The following IRF2BP2 variants were observed in gnomAD, a reference collection of about 807,000 sequenced individuals.
IRF2BP2 encodes interferon regulatory factor 2 binding protein 2, also known as interferon regulatory factor 2-binding protein 2.
A neutral mutation model predicts 32.7 loss-of-function variants in IRF2BP2; 13 were observed. That is an observed-to-expected ratio of 0.40 (90% CI 0.26 to 0.63). The LOEUF is 0.63. IRF2BP2 is among the 30% of genes least tolerant of loss of function. IRF2BP2 has a pLI of 0.42. For synonymous variants in IRF2BP2, 555 were observed against 384.6 expected (o/e 1.44, Z -5.18); for missense variants, 980 against 830.6 (o/e 1.18, Z -2.21).
Position 234,609,919 on chromosome 1 carries a change from G to T in IRF2BP2, c.-425C>A, listed in dbSNP as rs1558310452. On this transcript the variant is annotated 5_prime_UTR_variant, in exon 1 of 2. Coordinates refer to ENST00000366609, the MANE Select transcript of IRF2BP2 (RefSeq NM_182972.3). ...GCCGGCACGGAGTGCGGGGCGGGGG[G>T]CGGGGAGGCCGGGGGGGCAGGGGGC... 7.1e-6 allele frequency among the ~76,000 whole-genome samples: 1 copy of T among 141,310 alleles called. No individual in the cohort carries two copies. The highest frequency in any genetic ancestry group is 2.5e-5 in the African/African-American group (1 of 39,518). The allele number at this position is 141,310 out of a possible 152,430, so 92.7% of individuals were successfully genotyped here.
rs1453432185 is a variant in IRF2BP2 at position 234,609,997 on chromosome 1, G to C, written c.-503C>G. ...CCCGAGCGGCGGGGCATGCCGCGCC[G>C]GGGTGGCGGCGGCCGGGCGGCGTGG... On this transcript the variant is annotated 5_prime_UTR_variant, in exon 1 of 2. Coordinates refer to ENST00000366609, the MANE Select transcript of IRF2BP2 (RefSeq NM_182972.3). Among the ~76,000 whole-genome samples the C allele has an allele frequency of 1.4e-5, 2 of 144,758 alleles. No individual in the cohort carries two copies. The highest frequency in any genetic ancestry group is 3.1e-5 in the Non-Finnish European group (2 of 65,222). The allele number at this position is 144,758 out of a possible 152,430, so 95.0% of individuals were successfully genotyped here.
chr1:234,608,839 G>A lies in IRF2BP2; in HGVS notation c.656C>T (p.Thr219Ile), dbSNP rs1672253184. 1.9e-5 allele frequency: 25 copies of A among 1,342,018 alleles called. No homozygotes were observed. Among genetic ancestry groups the A allele is most frequent in the South Asian group, 1.0e-4 (5 of 49,996 alleles). The allele number at this position is 1,342,018 out of a possible 1,614,324, so 83.1% of individuals were successfully genotyped here. Residue 219 changes from threonine (T) to isoleucine (I), a missense_variant, in exon 1 of 2, where the codon ACC becomes ATC. Coordinates refer to ENST00000366609, the MANE Select transcript of IRF2BP2 (RefSeq NM_182972.3). ...AAASLAAVSG[T>I]AAASLGSAQP... ...CGCGGAGCCCAGGCTGGCGGCCGCG[G>A]TTCCGGACACCGCGGCTAAGGAGGC...
chr1:234,608,684 C>T lies in IRF2BP2; in HGVS notation c.811G>A (p.Asp271Asn). The change falls in exon 1 of 2, where the codon GAC becomes AAC. Residue 271 changes from aspartate to asparagine, a missense_variant. Physicochemically the swap from Asp to Asn is conservative, Grantham distance 23. Coordinates refer to ENST00000366609, the MANE Select transcript of IRF2BP2 (RefSeq NM_182972.3). ...GCCCCGGCCGCGGTGGACAGGCTGT[C>T]GGCCGGGCCCCGGTGCGCAGGCGGC... ...PPPPAHRGPA[D>N]SLSTAAGAAE... 1 of 1,509,998 alleles carries T rather than the reference C, an allele frequency of 6.6e-7. No homozygotes were observed. The highest frequency in any genetic ancestry group is 2.7e-5 in the East Asian group (1 of 37,566). 93.5% of individuals were successfully genotyped at this position (1,509,998 alleles called of 1,614,324 possible).
At position 234,606,187 on chromosome 1, in the gene IRF2BP2, C is replaced by T. The variant is rs1672155077; in HGVS notation, c.*950G>A. 1.3e-5 allele frequency: 2 copies of T among 152,346 alleles called. No individual in the cohort carries two copies. Among genetic ancestry groups the T allele is most frequent in the Non-Finnish European group, 2.9e-5 (2 of 68,152 alleles). 9.4% of individuals were successfully genotyped at this position (152,346 alleles called of 1,614,324 possible). A position where few individuals can be genotyped will look rare whatever the true frequency, so the allele number is the denominator to read the frequency against. ...ACAGAAACAAAACCAATCCCACAAT[C>T]TCCAAGTTCACCTGGACTGTAACTT... On this transcript the variant is annotated 3_prime_UTR_variant, in exon 2 of 2. Transcript: ENST00000366609.
intron 1 of IRF2BP2, 148 bp downstream of exon 1, chr1:234,608,299 A>G: frequency 1.5e-6 from 1 of 664,500 alleles, no homozygotes; most frequent in Non-Finnish European, 2.5e-6. Flanking sequence ...CGTTGCCACC[A>G]AGCACTGGTT....
rs1672154053 is a variant in IRF2BP2 at position 234,606,150 on chromosome 1, A to G, written c.*987T>C. 6.6e-6 allele frequency: 1 copy of G among 152,230 alleles called. No homozygotes were observed. The highest frequency in any genetic ancestry group is 1.5e-5 in the Non-Finnish European group (1 of 68,058). 9.4% of individuals were successfully genotyped at this position (152,230 alleles called of 1,614,324 possible). On this transcript the variant is annotated 3_prime_UTR_variant, in exon 2 of 2. Transcript: ENST00000366609. ...AGCAATAGCACTACAGGTAAATGAT[A>G]AACAAAACAAAACAGAAACAAAACC... is the stretch of plus-strand genomic sequence containing the variant.
chr1:234,608,203 G>A (rs992343279), intron 1 of IRF2BP2: 5 of 522,700 alleles, frequency 9.6e-6, no homozygotes, highest in African/African-American at 1.9e-5. Context: ...TCCCATCCAA[G>A]AATGTGCTGG....
At position 234,606,237 on chromosome 1, in the gene IRF2BP2, GGAC is replaced by G. The variant is rs1185194190; in HGVS notation, c.*897_*899del. ...TCTCTTGCAACTCTTTCAAAATAAA[GGAC>G]AACAGCAACAACAAACAGACCTCTA... On this transcript the variant is annotated 3_prime_UTR_variant, in exon 2 of 2. Coordinates refer to ENST00000366609, the MANE Select transcript of IRF2BP2 (RefSeq NM_182972.3). The G allele has an allele frequency of 4.6e-5, 7 of 152,228 alleles. No homozygotes were observed. Among genetic ancestry groups the G allele is most frequent in the African/African-American group, 1.2e-4 (5 of 41,448 alleles). 9.4% of individuals were successfully genotyped at this position (152,228 alleles called of 1,614,324 possible).
rs746838413 is a variant in IRF2BP2 at position 234,606,958 on chromosome 1, C to T, written c.*179G>A. On this transcript the variant is annotated 3_prime_UTR_variant, in exon 2 of 2. Coordinates refer to ENST00000366609, the MANE Select transcript of IRF2BP2 (RefSeq NM_182972.3). ...AAAAAATGTCTTTATAAGTACATAC[C>T]TTTTGTCGTCAAAAAAAATATAGAA... The T allele has an allele frequency of 5.5e-6, 3 of 541,970 alleles. No individual in the cohort carries two copies. The highest frequency in any genetic ancestry group is 9.6e-6 in the Non-Finnish European group (3 of 311,852). The allele number at this position is 541,970 out of a possible 1,614,324, so 33.6% of individuals were successfully genotyped here. A position where few individuals can be genotyped will look rare whatever the true frequency, so the allele number is the denominator to read the frequency against.
rs1308085972 is a variant in IRF2BP2, at chr1:234,605,384, G to A, written c.*1753C>T. The A allele has an allele frequency of 6.6e-6, 1 of 152,178 alleles. No homozygotes were observed. The highest frequency in any genetic ancestry group is 1.5e-5 in the Non-Finnish European group (1 of 68,026). 9.4% of individuals were successfully genotyped at this position (152,178 alleles called of 1,614,324 possible). ...GTCTGTTTGTAATATAACAATGACTGGTAAAACATGAATTCTCGCACAGTA... is the reference window on the plus strand; with the variant it reads ...GTCTGTTTGTAATATAACAATGACTAGTAAAACATGAATTCTCGCACAGTA... On this transcript the variant is annotated 3_prime_UTR_variant, in exon 2 of 2. Transcript: ENST00000366609.
At position 234,608,888 on chromosome 1, in the gene IRF2BP2, G is replaced by C. The variant is rs1453648013; in HGVS notation, c.607C>G (p.Leu203Val). Residue 203 changes from leucine (L) to valine (V), a missense_variant, in exon 1 of 2, where the codon CTC (leucine) becomes GTC (valine). Leu to Val is a conservative substitution (Grantham distance 32, BLOSUM62 1). Transcript: ENST00000366609. ...NGSATPLPTA[L>V]GLGGRAAASL... The stretch of plus-strand genomic sequence containing the variant: ...GCGGCAGCGCGGCCGCCGAGGCCGA[G>C]CGCGGTGGGCAGCGGCGTGGCCGAG... The C allele has an allele frequency of 4.5e-6, 6 of 1,328,302 alleles. No homozygotes were observed. In the South Asian group the frequency reaches 6.5e-5, roughly 14 times the overall value. 82.3% of individuals were successfully genotyped at this position (1,328,302 alleles called of 1,614,324 possible). A position where few individuals can be genotyped will look rare whatever the true frequency, so the allele number is the denominator to read the frequency against.
At position 234,608,769 on chromosome 1, in the gene IRF2BP2, C is replaced by A; in HGVS notation, c.726G>T (p.Ser242=). 2 of 1,466,224 alleles carry A rather than the reference C, an allele frequency of 1.4e-6. No homozygotes were observed. Among genetic ancestry groups the A allele is most frequent in the South Asian group, 1.3e-5 (1 of 75,706 alleles). 90.8% of individuals were successfully genotyped at this position (1,466,224 alleles called of 1,614,324 possible). A position where few individuals can be genotyped will look rare whatever the true frequency, so the allele number is the denominator to read the frequency against. The change falls in exon 1 of 2, where the codon TCG becomes TCT. Residue 242 remains serine, a synonymous_variant. Transcript: ENST00000366609. ...LGAHKRPASV[S]SSAAVEHEQR... Reference sequence around the variant, plus strand: ...GCTCGTGCTCCACGGCAGCGCTGCTCGACACGGATGCCGGCCGCTTGTGGG... The same window carrying A: ...GCTCGTGCTCCACGGCAGCGCTGCTAGACACGGATGCCGGCCGCTTGTGGG...
At chr1:234,608,074 G>A (rs755829995) in intron 1 of IRF2BP2, 73 of 561,902 alleles carry the variant, frequency 1.3e-4, no homozygotes, top group Admixed American at 4.6e-4. Flanking sequence ...TGGAGCCACT[G>A]AAAATGACAC....
At position 234,606,078 on chromosome 1, in the gene IRF2BP2, CT is replaced by C. The variant is rs1672151310; in HGVS notation, c.*1058del. 1 of 152,252 alleles carries C rather than the reference CT, an allele frequency of 6.6e-6. No individual in the cohort carries two copies. The highest frequency in any genetic ancestry group is 2.4e-5 in the African/African-American group (1 of 41,458). The allele number at this position is 152,252 out of a possible 1,614,324, so 9.4% of individuals were successfully genotyped here. On this transcript the variant is annotated 3_prime_UTR_variant, in exon 2 of 2. Coordinates refer to ENST00000366609, the MANE Select transcript of IRF2BP2 (RefSeq NM_182972.3). ...CGGCTGTTACTGTCATTGTACCATA[CT>C]GTATTCAGCACTCACTAGAAACAGG...
In IRF2BP2 at chr1:234,608,912, A is replaced by C. The variant is rs1672257125; in HGVS notation, c.583T>G (p.Ser195Ala). ...PPTLVPLMNG[S>A]ATPLPTALGL... ...AGCGCGGTGGGCAGCGGCGTGGCCG[A>C]GCCGTTCATGAGCGGCACCAGGGTG... Residue 195 changes from serine (S) to alanine (A), a missense_variant, in exon 1 of 2, where the codon TCG (serine) becomes GCG (alanine). Ser to Ala is a moderately conservative substitution (Grantham distance 99, BLOSUM62 1). Coordinates refer to ENST00000366609, the MANE Select transcript of IRF2BP2 (RefSeq NM_182972.3). 1.5e-6 allele frequency: 2 copies of C among 1,364,576 alleles called. No homozygotes were observed. Among genetic ancestry groups the C allele is most frequent in the Admixed American group, 3.2e-5 (1 of 30,994 alleles). 84.5% of individuals were successfully genotyped at this position (1,364,576 alleles called of 1,614,324 possible).
intron 1 of IRF2BP2, 69 bp from the exon 2 acceptor site, chr1:234,607,921 T>C: frequency 6.4e-6 from 8 of 1,253,728 alleles, no homozygotes; most frequent in Non-Finnish European, 5.5e-6. Context: ...GATCATTCTC[T>C]TCCTAACCCG....
rs558516780 is a variant in IRF2BP2, at chr1:234,606,467, A to C, written c.*670T>G. On this transcript the variant is annotated 3_prime_UTR_variant, in exon 2 of 2. Coordinates refer to ENST00000366609, the MANE Select transcript of IRF2BP2 (RefSeq NM_182972.3). Reference sequence around the variant, plus strand: ...GCGGTCAACTTTGTCTTAAAAAAAAAAAAACAAAAAACCCCAAAAGACCAC... The same window carrying C: ...GCGGTCAACTTTGTCTTAAAAAAAACAAAACAAAAAACCCCAAAAGACCAC... The C allele has an allele frequency of 9.9e-5, 15 of 152,248 alleles. No individual in the cohort carries two copies. In the East Asian group the frequency reaches 2.7e-3, roughly 27 times the overall value. The allele number at this position is 152,248 out of a possible 1,614,324, so 9.4% of individuals were successfully genotyped here.
rs1571959388 is a variant in IRF2BP2, at chr1:234,609,615, C to G, written c.-121G>C. 1.9e-5 allele frequency: 8 copies of G among 422,452 alleles called. No homozygotes were observed. In the East Asian group the frequency reaches 3.9e-4, roughly 20 times the overall value. The allele number at this position is 422,452 out of a possible 1,614,324, so 26.2% of individuals were successfully genotyped here. ...CCCAACCCCGCGTCTCCCCCACCAGCGGCGGCGGCGGCCGCAAAGGCGGCG... is the reference window on the plus strand; with the variant it reads ...CCCAACCCCGCGTCTCCCCCACCAGGGGCGGCGGCGGCCGCAAAGGCGGCG... On this transcript the variant is annotated 5_prime_UTR_variant, in exon 1 of 2. Transcript: ENST00000366609.
intron 1 of IRF2BP2, 103 bp from the exon 2 acceptor site, chr1:234,607,955 C>T: frequency 1.1e-6 from 1 of 913,104 alleles, no homozygotes; most frequent in Non-Finnish European, 1.6e-6. Flanking sequence ...TACAGAATTC[C>T]TCCTCTCTAA....
Sources: allele counts gnomAD v4.1 joint callset (sites outside exome capture counted in the v4.1 genomes callset), GRCh38; gene constraint gnomAD v4.1.1; transcripts MANE v1.5; gene names NCBI Gene and HGNC (gene_info 2026-07-23, HGNC 2026-07-21).